Variants in NEMF observed in about 807,000 individuals in gnomAD.
The protein encoded by NEMF is nuclear export mediator factor, also known as ribosome quality control complex subunit NEMF.
Under a neutral mutation model 162.2 loss-of-function variants are expected in NEMF, and 89 were observed. The observed-to-expected ratio is 0.55, with a 90% CI of 0.46 to 0.65. NEMF has a LOEUF of 0.65. NEMF is among the 30% of genes least tolerant of loss of function. The probability of loss-of-function intolerance (pLI) is 0.00; values close to 1 mark genes in which losing one functional copy is unlikely to be tolerated. For missense variants in NEMF, 1,133 were observed against 1,261.9 expected, an observed-to-expected ratio of 0.90 and a Z score of 1.55; for synonymous variants, 421 against 404.5, an observed-to-expected ratio of 1.04 and a Z score of -0.49.
Position 49,828,165 on chromosome 14 carries a change from A to G in NEMF, c.1488+126T>C, listed in dbSNP as rs546202070. The G allele has an allele frequency of 5.4e-5, 40 of 747,532 alleles. No homozygotes were observed. The South Asian group carries it at 6.2e-4, about 12-fold the overall frequency. The allele number at this position is 747,532 out of a possible 1,614,324, so 46.3% of individuals were successfully genotyped here. On this transcript the variant is annotated intron_variant, in intron 15 of 32. Coordinates refer to ENST00000298310, the MANE Select transcript of NEMF (RefSeq NM_004713.6). ...AAAAATACTGGAAATACATATATTTAAAGCAAAGTTAAGTTTGAAAGATAC... is the reference window on the plus strand; with the variant it reads ...AAAAATACTGGAAATACATATATTTGAAGCAAAGTTAAGTTTGAAAGATAC...
At chr14:49,837,538 G>A (rs1892964219) in intron 6 of NEMF, among the ~76,000 whole-genome samples, 1 of 151,850 alleles carries the variant, frequency 6.6e-6, no homozygotes. Context: ...CATTTGCCAG[G>A]GAGACACTGG....
chr14:49,793,069 G>T (rs1018200160), intron 26 of NEMF, among the ~76,000 whole-genome samples: 11 of 152,100 alleles, frequency 7.2e-5, no homozygotes, highest in Non-Finnish European at 1.6e-4. Flanking sequence ...TTTCAAAAAG[G>T]TGTCCTTCAA....
intron 4 of NEMF, among the ~76,000 whole-genome samples, chr14:49,844,321 A>G (rs553244619): frequency 2.7e-4 from 41 of 152,300 alleles, no homozygotes; most frequent in African/African-American, 9.4e-4. Context: ...TCACGCTCCT[A>G]TAAGAATCTA....
chr14:49,788,743 G>C (rs1476817229), intron 28 of NEMF, among the ~76,000 whole-genome samples: 1 of 151,880 alleles, frequency 6.6e-6, no homozygotes, highest in Non-Finnish European at 1.5e-5. Context: ...TTTTTTAGTA[G>C]AGACAGGGTT....
intron 18 of NEMF, among the ~76,000 whole-genome samples, chr14:49,806,797 A>C (rs1333612802): frequency 1.3e-5 from 2 of 152,238 alleles, no homozygotes; most frequent in African/African-American, 4.8e-5. Flanking sequence ...AAATTAAAAT[A>C]GATTGGCTGA....
In NEMF at chr14:49,782,351, G is replaced by C; in HGVS notation, c.*2285C>G. The C allele has an allele frequency of 6.3e-7, 1 of 1,585,888 alleles. No individual in the cohort carries two copies. Among genetic ancestry groups the C allele is most frequent in the Non-Finnish European group, 8.6e-7 (1 of 1,161,610 alleles). On this transcript the variant is annotated 3_prime_UTR_variant, in exon 33 of 33. Transcript: ENST00000298310. ...TGGTGTTCTGGGTGGCTTCAAACTC[G>C]TTTTTGTTTTAAATGCAGGTTATGG...
At chr14:49,791,829 A>T (rs182740771) in intron 26 of NEMF, among the ~76,000 whole-genome samples, 1 of 152,182 alleles carries the variant, frequency 6.6e-6, no homozygotes, top group East Asian at 1.9e-4. Context: ...TTGAGAAAGA[A>T]TATTGTAACC....
At chr14:49,849,436 T>C (rs186780176) in intron 3 of NEMF, among the ~76,000 whole-genome samples, 298 of 152,336 alleles carry the variant, frequency 2.0e-3, no homozygotes, top group Non-Finnish European at 3.5e-3. Flanking sequence ...CATCCCCAAA[T>C]GTGAATACTG....
At chr14:49,827,614 A>G (rs1892422574) in intron 15 of NEMF, among the ~76,000 whole-genome samples, 1 of 151,894 alleles carries the variant, frequency 6.6e-6, no homozygotes, top group African/African-American at 2.4e-5. Context: ...GCAGTTTGAG[A>G]CCAAGCTGAC....
At chr14:49,827,226 TC>T (rs1218371951) in intron 15 of NEMF, among the ~76,000 whole-genome samples, 2 of 152,122 alleles carry the variant, frequency 1.3e-5, no homozygotes, top group African/African-American at 4.8e-5. Flanking sequence ...TCGCTCTGTC[TC>T]CCAGGCTAGA....
At chr14:49,830,833 A>G (rs2139972671) in intron 11 of NEMF, among the ~76,000 whole-genome samples, 1 of 152,372 alleles carries the variant, frequency 6.6e-6, no homozygotes, top group African/African-American at 2.4e-5. Flanking sequence ...CTGGGAAAAT[A>G]CTGTATATCA....
Position 49,838,114 on chromosome 14 carries a change from C to T in NEMF, c.574+25G>A, listed in dbSNP as rs192035270. 1.7e-4 allele frequency: 264 copies of T among 1,574,366 alleles called. No individual in the cohort carries two copies. The African/African-American group carries it at 3.2e-3, about 19-fold the overall frequency. On this transcript the variant is annotated intron_variant, in intron 6 of 32. Transcript: ENST00000298310. Reference sequence around the variant, plus strand: ...AAACCACACTGCCTTGCAAACATTTCACTGCTATTTGCAGGAATACTCACG... The same window carrying T: ...AAACCACACTGCCTTGCAAACATTTTACTGCTATTTGCAGGAATACTCACG...
Position 49,805,940 on chromosome 14 carries a change from C to A in NEMF, c.1857+81G>T, listed in dbSNP as rs1891167254. On this transcript the variant is annotated intron_variant, in intron 19 of 32. Transcript: ENST00000298310. Reference sequence around the variant, plus strand: ...AGTTAGCTCTATTGAGCCTTGTCTGCTTTATTTACTTCTATACTCTCAAAA... The same window carrying A: ...AGTTAGCTCTATTGAGCCTTGTCTGATTTATTTACTTCTATACTCTCAAAA... 4.9e-6 allele frequency: 4 copies of A among 818,716 alleles called. No individual in the cohort carries two copies. In the Admixed American group the frequency reaches 1.1e-4, roughly 22 times the overall value. 50.7% of individuals were successfully genotyped at this position (818,716 alleles called of 1,614,324 possible). A position where few individuals can be genotyped will look rare whatever the true frequency, so the allele number is the denominator to read the frequency against.
chr14:49,838,561 A>C (rs1594797188), intron 5 of NEMF, among the ~76,000 whole-genome samples: 2 of 151,206 alleles, frequency 1.3e-5, no homozygotes, highest in East Asian at 3.9e-4. Context: ...CTAATTAAGC[A>C]TCGAACAACT....
chr14:49,796,982 T>A (rs969245713), intron 25 of NEMF, among the ~76,000 whole-genome samples: 5 of 152,184 alleles, frequency 3.3e-5, no homozygotes, highest in Admixed American at 2.6e-4. Context: ...TCCCCAAACA[T>A]CTGAACTCAC....
chr14:49,803,590 A>G (rs945838091), intron 19 of NEMF, among the ~76,000 whole-genome samples: 2 of 151,898 alleles, frequency 1.3e-5, no homozygotes, highest in African/African-American at 4.8e-5. Context: ...CAGTGGCACA[A>G]TCTCGGCTCA....
Position 49,846,232 on chromosome 14 carries a change from T to G in NEMF, c.265A>C (p.Ser89Arg). 6.2e-7 allele frequency: 1 copy of G among 1,613,280 alleles called. No individual in the cohort carries two copies. The highest frequency in any genetic ancestry group is 8.5e-7 in the Non-Finnish European group (1 of 1,179,750). Reference sequence around the variant, plus strand: ...CTATCCACACCAAGCTGTTTTGCACTGACTAATCTCCGACTCTTCAAATGT... The same window carrying G: ...CTATCCACACCAAGCTGTTTTGCACGGACTAATCTCCGACTCTTCAAATGT... ...RKHLKSRRLVSAKQLGVDRIV... is the reference protein window; with the variant it reads ...RKHLKSRRLVRAKQLGVDRIV... Residue 89 changes from serine (S) to arginine (R), a missense_variant, in exon 4 of 33, where the codon AGT becomes CGT. Ser to Arg is a moderately radical substitution (Grantham distance 110). This residue lies in a region of NEMF where 582 missense variants were observed against 631.5 expected (regional missense o/e 0.92). Coordinates refer to ENST00000298310, the MANE Select transcript of NEMF (RefSeq NM_004713.6).
At chr14:49,797,181 T>G (rs1461012175) in intron 25 of NEMF, among the ~76,000 whole-genome samples, 1 of 152,184 alleles carries the variant, frequency 6.6e-6, no homozygotes, top group Non-Finnish European at 1.5e-5. Flanking sequence ...TCAATGATTA[T>G]GTTTCTCAAA....
chr14:49,820,391 C>T (rs1230217730), intron 16 of NEMF: 2 of 456,412 alleles, frequency 4.4e-6, no homozygotes, highest in Non-Finnish European at 4.4e-6. Context: ...CCTGTCAGCA[C>T]TTACGCGTTG....
Sources: allele counts gnomAD v4.1 joint callset (sites outside exome capture counted in the v4.1 genomes callset), GRCh38; gene constraint gnomAD v4.1.1; regional missense constraint gnomAD v4.1.1; transcripts MANE v1.5; gene names NCBI Gene and HGNC (gene_info 2026-07-23, HGNC 2026-07-21).